The following SLC43A2 variants were observed in gnomAD, a reference collection of about 807,000 sequenced individuals.
The protein encoded by SLC43A2 is solute carrier family 43 member 2, also known as large neutral amino acids transporter small subunit 4.
In SLC43A2, 38 loss-of-function variants were observed where a neutral mutation model predicts 63.2. The ratio of observed to expected loss-of-function variants is 0.60; its 90% CI spans 0.46 to 0.79. The LOEUF (loss-of-function observed/expected upper bound fraction) is 0.79. Ranked by LOEUF, SLC43A2 falls within the 30% of genes least tolerant of loss-of-function variation. The pLI, the probability that SLC43A2 is intolerant of heterozygous loss-of-function variation, is 0.00. For missense variants in SLC43A2, 644 were observed against 756.2 expected (o/e 0.85, Z 1.74); for synonymous variants, 322 against 331.0 (o/e 0.97, Z 0.30).
At chr17:1,615,775 G>T in intron 3 of SLC43A2, among the ~76,000 whole-genome samples, 1 of 147,828 alleles carries the variant, frequency 6.8e-6, no homozygotes, top group East Asian at 2.0e-4. Flanking sequence ...CCCGGGAGGC[G>T]GAGCTCGCAG....
chr17:1,599,306 C>T lies in SLC43A2; in HGVS notation c.502-6027G>A, dbSNP rs1276771267. ...AATGAGCCAAGATCATGCCACTGCA[C>T]TCCAGCCTGGCGACAGAGTGAGACT... On this transcript the variant is annotated intron_variant, in intron 5 of 13. Coordinates refer to ENST00000301335, the MANE Select transcript of SLC43A2 (RefSeq NM_152346.3). Among the ~76,000 whole-genome samples, 3 of 152,006 alleles carry T rather than the reference C, an allele frequency of 2.0e-5. No individual in the cohort carries two copies. In the South Asian group the frequency reaches 6.2e-4, roughly 32 times the overall value.
rs1377738295 is a variant in SLC43A2 at position 1,570,569 on chromosome 17, C to T, written c.*5035G>A. 2.0e-5 allele frequency: 3 copies of T among 148,870 alleles called. No homozygotes were observed. Among genetic ancestry groups the T allele is most frequent in the African/African-American group, 5.0e-5 (2 of 40,278 alleles). 9.2% of individuals were successfully genotyped at this position (148,870 alleles called of 1,614,324 possible). On this transcript the variant is annotated 3_prime_UTR_variant, in exon 14 of 14. Coordinates refer to ENST00000301335, the MANE Select transcript of SLC43A2 (RefSeq NM_152346.3). ...TGGCGGGATCTCGGCTCACTGCAAG[C>T]TCCGCCTCCCGGGTTCACACCATTC...
intron 3 of SLC43A2, 119 bp downstream of exon 3, chr17:1,616,443 C>G (rs1907669853): frequency 1.0e-6 from 1 of 979,988 alleles, no homozygotes; most frequent in Non-Finnish European, 1.5e-6. Flanking sequence ...TTCTGGAGGG[C>G]CTTCAGGGAG....
rs568712898 is a variant in SLC43A2, at chr17:1,583,685, T to G, written c.1218-349A>C. 6.8e-4 allele frequency: 154 copies of G among 226,868 alleles called. 1 individual carries two copies. The highest frequency in any genetic ancestry group is 9.5e-4 in the Non-Finnish European group (107 of 113,226). The allele number at this position is 226,868 out of a possible 1,614,324, so 14.1% of individuals were successfully genotyped here. A position where few individuals can be genotyped will look rare whatever the true frequency, so the allele number is the denominator to read the frequency against. On this transcript the variant is annotated intron_variant, in intron 10 of 13. Transcript: ENST00000301335. This position sits in a 1 kb window ranked among gnomAD's most constrained non-coding sequence, Gnocchi z 5.5. ...GCCTCACTTCACCACTGGCTTCAAGTTCACCCAAATCTTGCAGGACGCTGA... is the reference window on the plus strand; with the variant it reads ...GCCTCACTTCACCACTGGCTTCAAGGTCACCCAAATCTTGCAGGACGCTGA...
intron 5 of SLC43A2, among the ~76,000 whole-genome samples, chr17:1,601,372 C>A (rs1906002133): frequency 6.6e-6 from 1 of 151,998 alleles, no homozygotes; most frequent in Non-Finnish European, 1.5e-5. Context: ...TCCCTGGATC[C>A]CGAGATGGCT....
chr17:1,610,432 T>TAA (rs765722123), intron 5 of SLC43A2, among the ~76,000 whole-genome samples: 10 of 130,780 alleles, frequency 7.6e-5, no homozygotes, highest in Non-Finnish European at 8.3e-5. Context: ...CCTGGCTAAT[T>TAA]AAAAAAAAAA....
intron 11 of SLC43A2, among the ~76,000 whole-genome samples, chr17:1,580,713 C>T (rs111581632): frequency 0.02 from 2,627 of 130,464 alleles, 71 homozygotes; most frequent in African/African-American, 0.073. Flanking sequence ...AGGCATGTGC[C>T]ACCAGGCCCG....
Position 1,574,110 on chromosome 17 carries a change from G to C in SLC43A2, c.*1494C>G, listed in dbSNP as rs1458773881. ...AGCGGGAATCTTCAGGGTTGTGGAA[G>C]GGTGTAGGGATGGAAAGGGACCAGG... On this transcript the variant is annotated 3_prime_UTR_variant, in exon 14 of 14. Transcript: ENST00000301335. The C allele has an allele frequency of 6.6e-6, 1 of 152,368 alleles. No homozygotes were observed. Among genetic ancestry groups the C allele is most frequent in the Non-Finnish European group, 1.5e-5 (1 of 68,126 alleles). The allele number at this position is 152,368 out of a possible 1,614,324, so 9.4% of individuals were successfully genotyped here.
chr17:1,628,551 T>C (rs4790727), intron 1 of SLC43A2, among the ~76,000 whole-genome samples: 151,236 of 152,264 alleles, frequency 0.99, 75,127 homozygotes, highest in East Asian at 1. Flanking sequence ...TTCAAACCGG[T>C]GGCGCGAGCC....
At chr17:1,582,545 A>G (rs996454441) in intron 11 of SLC43A2, among the ~76,000 whole-genome samples, 2 of 152,318 alleles carry the variant, frequency 1.3e-5, no homozygotes, top group East Asian at 1.9e-4. Flanking sequence ...GAGCCGATAC[A>G]AAACAAGGAA....
At chr17:1,627,514 C>T (rs1200969913) in intron 2 of SLC43A2, among the ~76,000 whole-genome samples, 1 of 152,148 alleles carries the variant, frequency 6.6e-6, no homozygotes, top group Non-Finnish European at 1.5e-5. Flanking sequence ...ACAGATCGCT[C>T]TGAGCCTCGA....
chr17:1,611,282 C>T (rs1409602330), intron 5 of SLC43A2, among the ~76,000 whole-genome samples: 3 of 152,164 alleles, frequency 2.0e-5, no homozygotes, highest in Non-Finnish European at 4.4e-5. Flanking sequence ...ACAGAGGCGT[C>T]GCGTGACTAA....
rs1424610068 is a variant in SLC43A2 at position 1,577,520 on chromosome 17, C to G, written c.1424+730G>C. On this transcript the variant is annotated intron_variant, in intron 12 of 13. Transcript: ENST00000301335. The surrounding 1 kb of genome is among the most constrained non-coding windows in gnomAD (Gnocchi z 4.9). The stretch of plus-strand genomic sequence containing the variant: ...GCTGGGATTACCCCAGGGGCTGTTG[C>G]GGGAATTGGGAGAGAGTTCCGGGCT... 6.6e-6 allele frequency among the ~76,000 whole-genome samples: 1 copy of G among 152,142 alleles called. No homozygotes were observed. The highest frequency in any genetic ancestry group is 1.5e-5 in the Non-Finnish European group (1 of 68,014).
rs1174873246 is a variant in SLC43A2 at position 1,593,083 on chromosome 17, AG to A, written c.594+103del. ...TCCTGCCCGGGTGGGGGTGGTGGAG[AG>A]GGGCCACCCCGGGTGCCCACAATTG... is the stretch of plus-strand genomic sequence containing the variant. On this transcript the variant is annotated intron_variant, in intron 6 of 13. Transcript: ENST00000301335. This position sits in a 1 kb window ranked among gnomAD's most constrained non-coding sequence, Gnocchi z 5.3. The A allele has an allele frequency of 9.3e-7, 1 of 1,074,320 alleles. No homozygotes were observed. Among genetic ancestry groups the A allele is most frequent in the Non-Finnish European group, 1.4e-6 (1 of 719,358 alleles). 66.5% of individuals were successfully genotyped at this position (1,074,320 alleles called of 1,614,324 possible). A position where few individuals can be genotyped will look rare whatever the true frequency, so the allele number is the denominator to read the frequency against.
intron 6 of SLC43A2, among the ~76,000 whole-genome samples, 191 bp downstream of exon 6, chr17:1,592,996 G>A (rs979688898): frequency 3.9e-5 from 6 of 152,194 alleles, no homozygotes; most frequent in African/African-American, 9.6e-5. Context: ...AGCCACATGC[G>A]TGATTCCCGT....
intron 5 of SLC43A2, among the ~76,000 whole-genome samples, chr17:1,595,175 G>A (rs776248989): frequency 7.2e-5 from 11 of 151,948 alleles, no homozygotes; most frequent in Middle Eastern, 3.2e-3. Context: ...CAGCTACTTG[G>A]GAGGCTGAGG....
intron 2 of SLC43A2, 26 bp from the exon 3 acceptor site, chr17:1,616,795 G>A (rs752607982): frequency 6.2e-7 from 1 of 1,611,040 alleles, no homozygotes; most frequent in South Asian, 1.1e-5. Flanking sequence ...AGGAAACCCT[G>A]ACCTCAGGGT....
chr17:1,593,102 C>G lies in SLC43A2; in HGVS notation c.594+85G>C. On this transcript the variant is annotated intron_variant, in intron 6 of 13. Transcript: ENST00000301335. This position sits in a 1 kb window ranked among gnomAD's most constrained non-coding sequence, Gnocchi z 5.3. ...GTGGAGAGGGGCCACCCCGGGTGCC[C>G]ACAATTGCCTCCCTCTTCAGAGAGG... The G allele has an allele frequency of 1.4e-6, 2 of 1,387,574 alleles. No individual in the cohort carries two copies. The highest frequency in any genetic ancestry group is 2.4e-5 in the South Asian group (2 of 81,776). 86.0% of individuals were successfully genotyped at this position (1,387,574 alleles called of 1,614,324 possible). A position where few individuals can be genotyped will look rare whatever the true frequency, so the allele number is the denominator to read the frequency against.
chr17:1,612,530 T>C (rs1567641493), intron 5 of SLC43A2, among the ~76,000 whole-genome samples: 1 of 152,354 alleles, frequency 6.6e-6, no homozygotes, highest in East Asian at 1.9e-4. Flanking sequence ...GGCTGCTCCA[T>C]GAGCCGAAGC....
Sources: gnomAD v4.1 joint callset for allele counts (sites outside exome capture counted in the v4.1 genomes callset) on GRCh38, gnomAD v4.1.1 for gene constraint, Gnocchi (gnomAD v3.1) non-coding constraint, MANE v1.5 for transcripts, NCBI Gene and HGNC (gene_info 2026-07-23, HGNC 2026-07-21) for gene names.